FSD1L: variants seen among roughly 807,000 people sequenced by gnomAD.
FSD1L encodes fibronectin type III and SPRY domain containing 1 like, also known as FSD1-like protein.
In FSD1L, 45 loss-of-function variants were observed where a neutral mutation model predicts 71.6. That is an observed-to-expected ratio of 0.63 (90% CI 0.49 to 0.81). The LOEUF (loss-of-function observed/expected upper bound fraction) is 0.81. FSD1L is among the 30% of genes least tolerant of loss of function. The pLI, the probability that FSD1L is intolerant of heterozygous loss-of-function variation, is 0.00. For missense variants in FSD1L, 561 were observed against 618.1 expected (o/e 0.91, Z 0.98); for synonymous variants, 197 against 207.2 (o/e 0.95, Z 0.42).
At chr9:105,513,640 C>G in intron 10 of FSD1L, 2 of 1,527,426 alleles carry the variant, frequency 1.3e-6, no homozygotes, top group Middle Eastern at 3.4e-4. Flanking sequence ...AGGTGATGAT[C>G]TATGTCTGTC....
chr9:105,524,312 C>T (rs1589076663), intron 10 of FSD1L: 1 of 1,613,398 alleles, frequency 6.2e-7, no homozygotes, highest in African/African-American at 1.3e-5. Context: ...TTCAGATTTA[C>T]CAGCCTGATT....
At chr9:105,445,641 C>T (rs940106641), upstream of FSD1L, among the ~76,000 whole-genome samples, 1 of 152,088 alleles carries the variant, frequency 6.6e-6, no homozygotes, top group Non-Finnish European at 1.5e-5. Flanking sequence ...AGGGGCAGAG[C>T]CAGGAAGCAC....
intron 10 of FSD1L, chr9:105,520,153 A>T: frequency 1.2e-6 from 2 of 1,609,334 alleles, no homozygotes; most frequent in Non-Finnish European, 1.7e-6. Flanking sequence ...CCGCACGGGG[A>T]CGTGAAGAAG....
intron 1 of FSD1L, among the ~76,000 whole-genome samples, chr9:105,459,563 C>G (rs1265816653): frequency 6.6e-6 from 1 of 152,216 alleles, no homozygotes; most frequent in African/African-American, 2.4e-5. Flanking sequence ...TCTCAGTAGT[C>G]TGCCCTTGGG....
chr9:105,504,713 A>C (rs1589033614), intron 7 of FSD1L, among the ~76,000 whole-genome samples: 1 of 152,328 alleles, frequency 6.6e-6, no homozygotes, highest in East Asian at 1.9e-4. Flanking sequence ...AGTCATCTCT[A>C]GATTACTTAT....
At chr9:105,470,430 T>C (rs1344649714) in intron 4 of FSD1L, among the ~76,000 whole-genome samples, 3 of 152,182 alleles carry the variant, frequency 2.0e-5, no homozygotes, top group Non-Finnish European at 4.4e-5. Flanking sequence ...TCTTTTAGCA[T>C]TGTATTGTAG....
intron 7 of FSD1L, among the ~76,000 whole-genome samples, chr9:105,486,653 A>T (rs926314639): frequency 6.6e-6 from 1 of 152,176 alleles, no homozygotes; most frequent in Admixed American, 6.5e-5. Flanking sequence ...TAGCTATCAG[A>T]TGTAGAACAT....
chr9:105,457,139 A>G (rs1447679311), intron 1 of FSD1L, among the ~76,000 whole-genome samples: 4 of 152,164 alleles, frequency 2.6e-5, no homozygotes, highest in Non-Finnish European at 5.9e-5. Context: ...CATTTTTGGA[A>G]TTTGTTTTAT....
chr9:105,448,163 A>G lies in FSD1L; in HGVS notation c.-58A>G. ...GGTCTTGGGGTGTGCGATCTCGCTG[A>G]GCCTCCTCACACGGTTCGTCGTCTC... On this transcript the variant is annotated 5_prime_UTR_variant, in exon 1 of 14. Transcript: ENST00000481272. 1.0e-5 allele frequency: 16 copies of G among 1,526,918 alleles called. No homozygotes were observed. The highest frequency in any genetic ancestry group is 1.4e-5 in the Non-Finnish European group (16 of 1,129,204). The allele number at this position is 1,526,918 out of a possible 1,614,324, so 94.6% of individuals were successfully genotyped here.
chr9:105,473,764 C>T (rs1366919437), intron 5 of FSD1L, among the ~76,000 whole-genome samples: 3 of 152,202 alleles, frequency 2.0e-5, no homozygotes, highest in Admixed American at 6.5e-5. Flanking sequence ...ATTTCTCCCA[C>T]GTTTCTCTTT....
At chr9:105,538,354 T>G (rs953041781) in intron 12 of FSD1L, among the ~76,000 whole-genome samples, 8 of 152,192 alleles carry the variant, frequency 5.3e-5, no homozygotes, top group African/African-American at 1.9e-4. Flanking sequence ...TAAATATTAG[T>G]TTATTTTATC....
chr9:105,508,024 C>G (rs1237193322), intron 8 of FSD1L, among the ~76,000 whole-genome samples: 8 of 151,676 alleles, frequency 5.3e-5, no homozygotes, highest in Non-Finnish European at 1.2e-4. Context: ...CTTGAGTAGC[C>G]ACGCCCGGCT....
chr9:105,506,377 T>TA (rs1170915226), intron 7 of FSD1L, 22 bp from the exon 8 acceptor site: 1 of 1,389,508 alleles, frequency 7.2e-7, no homozygotes, highest in South Asian at 1.3e-5. Flanking sequence ...GAATGAGTCT[T>TA]TTTTTTTTTT....
chr9:105,535,038 G>A (rs1836181330), intron 11 of FSD1L, 29 bp from the exon 12 acceptor site: 2 of 1,550,718 alleles, frequency 1.3e-6, no homozygotes, highest in African/African-American at 1.4e-5. Flanking sequence ...GAAGAGATGA[G>A]TCAAATCTAC....
intron 5 of FSD1L, 42 bp from the exon 6 acceptor site, chr9:105,479,312 C>A: frequency 6.5e-7 from 1 of 1,544,586 alleles, no homozygotes; most frequent in Non-Finnish European, 8.8e-7. Context: ...GCATGAAAAG[C>A]ACTAACTTGC....
At chr9:105,508,155 C>T (rs1331817815) in intron 8 of FSD1L, among the ~76,000 whole-genome samples, 24 of 148,962 alleles carry the variant, frequency 1.6e-4, no homozygotes, top group Admixed American at 1.3e-3. Flanking sequence ...TGAGCCACTG[C>T]GCCCGACCAC....
At chr9:105,476,103 A>G (rs964725477) in intron 5 of FSD1L, among the ~76,000 whole-genome samples, 1 of 152,232 alleles carries the variant, frequency 6.6e-6, no homozygotes, top group Admixed American at 6.5e-5. Context: ...TTACAGATTA[A>G]GAACAAAAGA....
intron 13 of FSD1L, among the ~76,000 whole-genome samples, chr9:105,545,871 TTATA>T (rs1394765680): frequency 2.0e-5 from 3 of 152,238 alleles, no homozygotes; most frequent in East Asian, 3.9e-4. Flanking sequence ...TCTTAAATAA[TTATA>T]TAAGAGTTCT....
At chr9:105,540,919 T>G (rs1836571142) in intron 13 of FSD1L, among the ~76,000 whole-genome samples, 1 of 152,152 alleles carries the variant, frequency 6.6e-6, no homozygotes, top group East Asian at 1.9e-4. Flanking sequence ...CCGTGGGGAG[T>G]TGTGGGATCC....
Sources: gnomAD v4.1 joint callset for allele counts (sites outside exome capture counted in the v4.1 genomes callset) on GRCh38, gnomAD v4.1.1 for gene constraint, MANE v1.5 for transcripts, NCBI Gene and HGNC (gene_info 2026-07-23, HGNC 2026-07-21) for gene names.